The following MAD1L1 variants were observed in gnomAD, a reference collection of about 807,000 sequenced individuals.
MAD1L1 encodes mitotic spindle assembly checkpoint protein MAD1.
Under a neutral mutation model 96.9 loss-of-function variants are expected in MAD1L1, and 95 were observed. The observed-to-expected ratio is 0.98, with a 90% CI of 0.83 to 1.16. The LOEUF (loss-of-function observed/expected upper bound fraction) is 1.16. MAD1L1 is among the 50% of genes most tolerant of loss of function. MAD1L1 has a pLI of 0.00. For synonymous variants in MAD1L1, 473 were observed against 396.6 expected (o/e 1.19, Z -2.29); for missense variants, 1,007 against 954.4 (o/e 1.06, Z -0.73).
chr7:1,883,785 G>T (rs1020219186), intron 18 of MAD1L1, among the ~76,000 whole-genome samples: 7 of 152,198 alleles, frequency 4.6e-5, no homozygotes, highest in Admixed American at 4.6e-4. Context: ...GGCACCATGT[G>T]TCTCTATTAC....
rs575439247 is a variant in MAD1L1, at chr7:2,066,144, T to G, written c.1218+3050A>C. 1.3e-4 allele frequency among the ~76,000 whole-genome samples: 20 copies of G among 152,288 alleles called. 1 individual carries two copies. The highest frequency in any genetic ancestry group is 4.3e-4 in the African/African-American group (18 of 41,556). ...AAAACCACACACTCCAAGCACCGTG[T>G]ACTAAAATGTCAAGCACACAAGGAG... is the stretch of plus-strand genomic sequence containing the variant. On this transcript the variant is annotated intron_variant, in intron 12 of 18. Coordinates refer to ENST00000265854, the MANE Select transcript of MAD1L1 (RefSeq NM_001013836.2).
chr7:1,871,064 T>C (rs1199182475), intron 18 of MAD1L1, among the ~76,000 whole-genome samples: 1 of 140,670 alleles, frequency 7.1e-6, no homozygotes, highest in African/African-American at 2.7e-5. Context: ...CCGTAACACC[T>C]GCCATGCTGA....
chr7:1,989,615 G>A (rs1781313625), intron 14 of MAD1L1, among the ~76,000 whole-genome samples: 1 of 152,218 alleles, frequency 6.6e-6, no homozygotes, highest in South Asian at 2.1e-4. Context: ...CGCGAGCACA[G>A]ACGTCCCGGC....
chr7:2,176,953 G>C (rs1400125955), intron 10 of MAD1L1, among the ~76,000 whole-genome samples: 1 of 152,230 alleles, frequency 6.6e-6, no homozygotes, highest in Non-Finnish European at 1.5e-5. Context: ...GGCCAGGGTT[G>C]TGAAATCAGA....
chr7:2,182,072 A>G (rs1791227218), intron 10 of MAD1L1, among the ~76,000 whole-genome samples: 1 of 152,138 alleles, frequency 6.6e-6, no homozygotes, highest in South Asian at 2.1e-4. Flanking sequence ...AGAAACCACA[A>G]CTAAAGAGCT....
intron 12 of MAD1L1, among the ~76,000 whole-genome samples, chr7:2,042,098 C>T (rs972495053): frequency 5.4e-5 from 8 of 148,262 alleles, no homozygotes; most frequent in South Asian, 4.4e-4. Context: ...CATCCACACA[C>T]GCACATGTGC....
In MAD1L1 at chr7:2,205,424, G is replaced by A. The variant is rs559250190; in HGVS notation, c.986+7788C>T. On this transcript the variant is annotated intron_variant, in intron 10 of 18. Transcript: ENST00000265854. ...GTCTTTGGGATATTTTTCAGATTTA[G>A]CATTTCAGCAGATCAAGAGATGCCA... Among the ~76,000 whole-genome samples, 8 of 152,256 alleles carry A rather than the reference G, an allele frequency of 5.3e-5. No individual in the cohort carries two copies. The South Asian group carries it at 1.7e-3, about 32-fold the overall frequency.
chr7:2,007,699 A>C (rs1041673481), intron 13 of MAD1L1, among the ~76,000 whole-genome samples: 2 of 152,172 alleles, frequency 1.3e-5, no homozygotes, highest in African/African-American at 2.4e-5. Flanking sequence ...AAAAAAAGTT[A>C]AACCCCACAA....
chr7:1,948,315 G>A (rs1366004791), intron 16 of MAD1L1, among the ~76,000 whole-genome samples: 1 of 146,550 alleles, frequency 6.8e-6, no homozygotes, highest in Non-Finnish European at 1.5e-5. Flanking sequence ...CGCCCCCCAT[G>A]AACCCCCTCC....
intron 11 of MAD1L1, among the ~76,000 whole-genome samples, chr7:2,125,359 C>T (rs1242223047): frequency 2.0e-5 from 3 of 152,120 alleles, no homozygotes; most frequent in South Asian, 2.1e-4. Flanking sequence ...AGCCCTGAGC[C>T]GAGCCACCCA....
At chr7:2,038,498 CTTTTTTTTTTTTT>C (rs60466584) in intron 12 of MAD1L1, among the ~76,000 whole-genome samples, 4 of 92,826 alleles carry the variant, frequency 4.3e-5, no homozygotes, top group South Asian at 8.5e-4. Context: ...AAGCTGATGA[CTTTTTTTTTTTTT>C]TTTTTTTTTT....
intron 17 of MAD1L1, among the ~76,000 whole-genome samples, chr7:1,926,892 A>G (rs757428548): frequency 3.3e-5 from 5 of 152,258 alleles, no homozygotes; most frequent in Non-Finnish European, 7.3e-5. Context: ...CAACACAGCA[A>G]GAAAACAAAA....
At position 1,904,689 on chromosome 7, in the gene MAD1L1, C is replaced by A. The variant is rs1201542289; in HGVS notation, c.1808-6299G>T. On this transcript the variant is annotated intron_variant, in intron 17 of 18. Transcript: ENST00000265854. Reference sequence around the variant, plus strand: ...ATTAATGAAGCACTGTTCCAGGCAGCGAGGACGCAGTGGCCTATGGAAGAC... The same window carrying A: ...ATTAATGAAGCACTGTTCCAGGCAGAGAGGACGCAGTGGCCTATGGAAGAC... Among the ~76,000 whole-genome samples, 4 of 123,204 alleles carry A rather than the reference C, an allele frequency of 3.2e-5. 1 individual carries two copies. Among genetic ancestry groups the A allele is most frequent in the Admixed American group, 2.3e-4 (3 of 13,212 alleles). The allele number at this position is 123,204 out of a possible 152,430, so 80.8% of individuals were successfully genotyped here.
chr7:2,202,320 G>A (rs1332363548), intron 10 of MAD1L1, among the ~76,000 whole-genome samples: 1 of 152,238 alleles, frequency 6.6e-6, no homozygotes, highest in Non-Finnish European at 1.5e-5. Context: ...GAGGAGAGAT[G>A]GCAGGCACCG....
chr7:1,924,314 C>T (rs1788975074), intron 17 of MAD1L1, among the ~76,000 whole-genome samples: 1 of 152,226 alleles, frequency 6.6e-6, no homozygotes, highest in South Asian at 2.1e-4. Context: ...ACCCAGCAGA[C>T]AATGTGGGCA....
intron 10 of MAD1L1, among the ~76,000 whole-genome samples, chr7:2,195,087 CAAA>C (rs36028754): frequency 2.3e-5 from 3 of 128,036 alleles, no homozygotes; most frequent in African/African-American, 2.8e-5. Flanking sequence ...GACTCTGTCT[CAAA>C]AAAAAAAAAA....
intron 11 of MAD1L1, among the ~76,000 whole-genome samples, chr7:2,092,415 C>T (rs564610405): frequency 2.0e-5 from 3 of 152,288 alleles, no homozygotes; most frequent in Non-Finnish European, 4.4e-5. Context: ...TGCATGACCA[C>T]GCCCCACCCA....
intron 10 of MAD1L1, among the ~76,000 whole-genome samples, chr7:2,185,819 T>C (rs1791433768): frequency 6.6e-6 from 1 of 152,196 alleles, no homozygotes; most frequent in Non-Finnish European, 1.5e-5. Context: ...CCATTTGTCA[T>C]CTAAGCCACC....
At chr7:2,206,569 G>A (rs1433589868) in intron 10 of MAD1L1, among the ~76,000 whole-genome samples, 1 of 152,134 alleles carries the variant, frequency 6.6e-6, no homozygotes, top group Admixed American at 6.5e-5. Flanking sequence ...TGAATTATCT[G>A]GACACTTTGA....
Sources: allele counts gnomAD v4.1 joint callset (sites outside exome capture counted in the v4.1 genomes callset), GRCh38; gene constraint gnomAD v4.1.1; transcripts MANE v1.5; gene names NCBI Gene and HGNC (gene_info 2026-07-23, HGNC 2026-07-21).